Variants in SGCZ observed in about 807,000 individuals in gnomAD.
SGCZ encodes sarcoglycan zeta, also known as zeta-sarcoglycan.
Under a neutral mutation model 41.3 loss-of-function variants are expected in SGCZ, and 40 were observed. The ratio of observed to expected loss-of-function variants is 0.97; its 90% CI spans 0.75 to 1.26. SGCZ has a LOEUF of 1.26. SGCZ is among the 50% of genes most tolerant of loss of function. The pLI is 0.00. For synonymous variants in SGCZ, 206 were observed against 137.5 expected (o/e 1.50, Z -3.49); for missense variants, 552 against 369.8 (o/e 1.49, Z -4.04).
chr8:14,228,193 C>G (rs1043159767), intron 4 of SGCZ, among the ~76,000 whole-genome samples: 4 of 152,178 alleles, frequency 2.6e-5, no homozygotes, highest in Middle Eastern at 3.4e-3. Flanking sequence ...CACAAAACTG[C>G]ATGTTCCATA....
chr8:14,546,245 G>A (rs749193028), intron 2 of SGCZ, among the ~76,000 whole-genome samples: 23 of 152,130 alleles, frequency 1.5e-4, no homozygotes, highest in Non-Finnish European at 4.4e-5. Flanking sequence ...CTAGAAGGTG[G>A]AGCCCTGTCT....
At chr8:14,256,254 C>T (rs1308668792) in intron 3 of SGCZ, among the ~76,000 whole-genome samples, 1 of 151,992 alleles carries the variant, frequency 6.6e-6, no homozygotes, top group African/African-American at 2.4e-5. Flanking sequence ...TATAGCCATC[C>T]TAAGAAAGAT....
At chr8:14,235,008 C>G (rs1240529779) in intron 4 of SGCZ, among the ~76,000 whole-genome samples, 1 of 152,174 alleles carries the variant, frequency 6.6e-6, no homozygotes, top group Non-Finnish European at 1.5e-5. Flanking sequence ...AATAATTACA[C>G]TCACCATCAT....
At chr8:14,665,637 A>C (rs1807886728) in intron 1 of SGCZ, among the ~76,000 whole-genome samples, 1 of 152,210 alleles carries the variant, frequency 6.6e-6, no homozygotes, top group African/African-American at 2.4e-5. Context: ...TTTAAAAAGT[A>C]ATCCTTTCCT....
chr8:14,882,877 CCTT>C (rs1383372802), intron 1 of SGCZ, among the ~76,000 whole-genome samples: 1 of 152,038 alleles, frequency 6.6e-6, no homozygotes, highest in Non-Finnish European at 1.5e-5. Context: ...TGTTCTCCCT[CCTT>C]CTTCCCCCTC....
chr8:14,094,964 C>T (rs572467973), intron 7 of SGCZ, among the ~76,000 whole-genome samples: 1 of 111,382 alleles, frequency 9.0e-6, no homozygotes, highest in African/African-American at 3.3e-5. Context: ...ATATCCTTTG[C>T]CCACTTTTTG....
intron 1 of SGCZ, among the ~76,000 whole-genome samples, chr8:15,087,876 G>A (rs1447174158): frequency 1.3e-5 from 2 of 152,102 alleles, no homozygotes; most frequent in Admixed American, 6.6e-5. Context: ...TAGTATGCAT[G>A]TATTAAGCTG....
intron 1 of SGCZ, among the ~76,000 whole-genome samples, chr8:14,911,764 C>T (rs577741418): frequency 6.6e-6 from 1 of 151,830 alleles, no homozygotes; most frequent in South Asian, 2.1e-4. Flanking sequence ...CCATTTTTAC[C>T]TCTTTCAATC....
In SGCZ at chr8:14,581,867, G is replaced by C. The variant is rs925807810; in HGVS notation, c.40-26941C>G. Among the ~76,000 whole-genome samples, 9 of 152,136 alleles carry C rather than the reference G, an allele frequency of 5.9e-5. No individual in the cohort carries two copies. The East Asian group carries it at 1.2e-3, about 20-fold the overall frequency. ...TGCTTTTTATACACAGATGATGCTAGAACAACAGGGGTTTCAATTTCATGG... is the reference window on the plus strand; with the variant it reads ...TGCTTTTTATACACAGATGATGCTACAACAACAGGGGTTTCAATTTCATGG... On this transcript the variant is annotated intron_variant, in intron 1 of 7. Transcript: ENST00000382080.
intron 1 of SGCZ, among the ~76,000 whole-genome samples, chr8:15,011,067 A>C (rs1197289550): frequency 6.6e-6 from 1 of 152,232 alleles, no homozygotes. Context: ...TTAAATTTCC[A>C]AAATGGACAA....
intron 2 of SGCZ, among the ~76,000 whole-genome samples, chr8:14,480,653 CT>C (rs1180749342): frequency 6.6e-6 from 1 of 152,062 alleles, no homozygotes; most frequent in Non-Finnish European, 1.5e-5. Context: ...TTACAAAAAA[CT>C]TATGCTTATT....
intron 1 of SGCZ, 93 bp from the exon 2 acceptor site, chr8:14,555,019 T>C (rs1803991949): frequency 1.7e-6 from 2 of 1,169,316 alleles, no homozygotes; most frequent in Non-Finnish European, 2.4e-6. Flanking sequence ...AAAAGAACAA[T>C]GTACGTTAAA....
intron 1 of SGCZ, among the ~76,000 whole-genome samples, chr8:15,154,073 C>A (rs1266280843): frequency 1.3e-5 from 2 of 150,628 alleles, no homozygotes; most frequent in African/African-American, 4.9e-5. Context: ...AGATGAAGCT[C>A]AGGAGGTCAT....
intron 1 of SGCZ, among the ~76,000 whole-genome samples, chr8:14,696,407 T>TGG (rs1426408793): frequency 2.0e-5 from 3 of 152,138 alleles, no homozygotes; most frequent in Non-Finnish European, 4.4e-5. Context: ...GATAACAAGC[T>TGG]GTTTATTAAA....
chr8:14,612,684 G>C (rs543924738), intron 1 of SGCZ, among the ~76,000 whole-genome samples: 1 of 151,402 alleles, frequency 6.6e-6, no homozygotes, highest in South Asian at 2.1e-4. Flanking sequence ...TTTTTGTTTT[G>C]TTTTGTTTTG....
At chr8:14,716,161 C>T (rs1023789505) in intron 1 of SGCZ, among the ~76,000 whole-genome samples, 2 of 151,670 alleles carry the variant, frequency 1.3e-5, no homozygotes, top group African/African-American at 4.8e-5. Flanking sequence ...CATAATTGAG[C>T]CGAGTATCCA....
At chr8:14,913,025 A>G (rs1446508181) in intron 1 of SGCZ, among the ~76,000 whole-genome samples, 2 of 152,042 alleles carry the variant, frequency 1.3e-5, no homozygotes, top group Non-Finnish European at 2.9e-5. Flanking sequence ...TATCATGACA[A>G]CTTTTCATAA....
intron 1 of SGCZ, among the ~76,000 whole-genome samples, chr8:14,894,672 G>T (rs931753745): frequency 6.6e-6 from 1 of 152,054 alleles, no homozygotes; most frequent in Non-Finnish European, 1.5e-5. Context: ...CCAAAAGAAA[G>T]TTCTCAAATA....
At chr8:14,246,402 C>G (rs1799091939) in intron 3 of SGCZ, among the ~76,000 whole-genome samples, 1 of 150,812 alleles carries the variant, frequency 6.6e-6, no homozygotes, top group Non-Finnish European at 1.5e-5. Context: ...ATAATCAGAA[C>G]ACATGGACAC....
Sources: gnomAD v4.1 joint callset for allele counts (sites outside exome capture counted in the v4.1 genomes callset) on GRCh38, gnomAD v4.1.1 for gene constraint, MANE v1.5 for transcripts, NCBI Gene and HGNC (gene_info 2026-07-23, HGNC 2026-07-21) for gene names.